The following FBP2 variants were observed in gnomAD, a reference collection of about 807,000 sequenced individuals.
FBP2 encodes fructose-1,6-bisphosphatase isozyme 2.
A neutral mutation model predicts 31.6 loss-of-function variants in FBP2; 27 were observed. That is an observed-to-expected ratio of 0.85 (90% CI 0.63 to 1.18). The LOEUF is 1.18. FBP2 is among the 50% of genes most tolerant of loss of function. FBP2 has a pLI of 0.00. For synonymous variants in FBP2, 168 were observed against 179.8 expected (o/e 0.93, Z 0.53); for missense variants, 421 against 436.1 (o/e 0.97, Z 0.31).
intron 1 of FBP2, 139 bp downstream of exon 1, chr9:94,593,418 A>G: frequency 1.4e-6 from 1 of 709,178 alleles, no homozygotes; most frequent in Non-Finnish European, 2.1e-6. Flanking sequence ...CATGATAGGA[A>G]CTTGAAATGC....
intron 2 of FBP2, among the ~76,000 whole-genome samples, chr9:94,586,990 T>A (rs2131459657): frequency 6.6e-6 from 1 of 152,296 alleles, no homozygotes; most frequent in South Asian, 2.1e-4. Context: ...AGCTCTTCCC[T>A]GGACTCCACA....
intron 3 of FBP2, chr9:94,572,851 GTAAT>G (rs1275759828): frequency 6.6e-6 from 1 of 151,194 alleles, no homozygotes; most frequent in Non-Finnish European, 1.5e-5. Flanking sequence ...ATTTTAAAAT[GTAAT>G]TATAATTACG....
intron 4 of FBP2, chr9:94,570,434 A>G (rs1005276772): frequency 3.3e-5 from 5 of 152,220 alleles, no homozygotes; most frequent in African/African-American, 1.2e-4. Flanking sequence ...ATTGTAGGAC[A>G]TATCTCATAG....
At position 94,561,436 on chromosome 9, in the gene FBP2, C is replaced by T. The variant is rs544251269; in HGVS notation, c.825+1906G>A. 1.2e-4 allele frequency among the ~76,000 whole-genome samples: 17 copies of T among 141,324 alleles called. No homozygotes were observed. In the South Asian group the frequency reaches 4.0e-3, roughly 33 times the overall value. The allele number at this position is 141,324 out of a possible 152,430, so 92.7% of individuals were successfully genotyped here. A position where few individuals can be genotyped will look rare whatever the true frequency, so the allele number is the denominator to read the frequency against. On this transcript the variant is annotated intron_variant, in intron 6 of 6. Coordinates refer to ENST00000375337, the MANE Select transcript of FBP2 (RefSeq NM_003837.4). The stretch of plus-strand genomic sequence containing the variant: ...GGAGTGCAGTGGCGCGATCTCGGCT[C>T]ACTGCAAGCTCCGCCTCCCAGGTTC...
chr9:94,581,485 C>T (rs552188130), intron 3 of FBP2, among the ~76,000 whole-genome samples: 2 of 152,276 alleles, frequency 1.3e-5, no homozygotes, highest in African/African-American at 4.8e-5. Context: ...GAATGCCTGG[C>T]CACCTCCATT....
In FBP2 at chr9:94,587,469, C is replaced by T. The variant is rs776963611; in HGVS notation, c.171G>A (p.Leu57=). 4 of 1,613,844 alleles carry T rather than the reference C, an allele frequency of 2.5e-6. No individual in the cohort carries two copies. The highest frequency in any genetic ancestry group is 1.3e-5 in the African/African-American group (1 of 74,904). Residue 57 remains leucine (L), a splice_region_variant and synonymous_variant, in exon 2 of 7, where the codon CTG becomes CTA. Coordinates refer to ENST00000375337, the MANE Select transcript of FBP2 (RefSeq NM_003837.4). ...CGTTAACGCTTCCTGCGATTCCATACCTGAGAAGACAAAAGGCTGAATGAG... is the reference window on the plus strand; with the variant it reads ...CGTTAACGCTTCCTGCGATTCCATATCTGAGAAGACAAAAGGCTGAATGAG... The part of the protein sequence containing the change: ...SAVRKAGLAH[L]YGIAGSVNVT...
At chr9:94,571,918 TACTC>T (rs1827274239) in intron 3 of FBP2, among the ~76,000 whole-genome samples, 2 of 152,112 alleles carry the variant, frequency 1.3e-5, no homozygotes, top group South Asian at 2.1e-4. Flanking sequence ...CAAGCCACGA[TACTC>T]ACAACTCAGA....
chr9:94,590,777 C>T (rs1459252518), intron 1 of FBP2, among the ~76,000 whole-genome samples: 1 of 152,212 alleles, frequency 6.6e-6, no homozygotes, highest in African/African-American at 2.4e-5. Context: ...TCTTATCTGG[C>T]CCACCCACAT....
At chr9:94,586,086 C>T (rs183834065) in intron 2 of FBP2, among the ~76,000 whole-genome samples, 92 of 152,214 alleles carry the variant, frequency 6.0e-4, no homozygotes, top group African/African-American at 1.8e-3. Flanking sequence ...TATTCAAGAG[C>T]TGCCACGGGC....
intron 4 of FBP2, chr9:94,570,410 T>C (rs575841515): frequency 4.6e-5 from 7 of 152,346 alleles, no homozygotes; most frequent in African/African-American, 1.7e-4. Flanking sequence ...TTTCCCCATC[T>C]GAAAATGGGA....
At chr9:94,590,116 C>T (rs1005555887) in intron 1 of FBP2, among the ~76,000 whole-genome samples, 10 of 152,138 alleles carry the variant, frequency 6.6e-5, no homozygotes, top group Admixed American at 2.0e-4. Flanking sequence ...CAGCACCCCT[C>T]CTCCTAGAAA....
chr9:94,567,226 G>C (rs764653047), intron 5 of FBP2, 44 bp downstream of exon 5: 1 of 1,610,200 alleles, frequency 6.2e-7, no homozygotes, highest in East Asian at 2.2e-5. Flanking sequence ...GGACCCCATG[G>C]GGACAGCATT....
At chr9:94,565,257 C>A (rs1827168379) in intron 5 of FBP2, among the ~76,000 whole-genome samples, 1 of 151,550 alleles carries the variant, frequency 6.6e-6, no homozygotes, top group African/African-American at 2.4e-5. Context: ...AGGCTGTAAT[C>A]CCAGCTACTC....
chr9:94,584,442 G>C, intron 3 of FBP2, 135 bp downstream of exon 3: 1 of 632,662 alleles, frequency 1.6e-6, no homozygotes, highest in Non-Finnish European at 2.9e-6. Flanking sequence ...GAGAAAAGTT[G>C]GTGGTTTGCC....
chr9:94,566,351 T>C (rs514561), intron 5 of FBP2, among the ~76,000 whole-genome samples: 140,639 of 152,336 alleles, frequency 0.92, 65,004 homozygotes, highest in African/African-American at 0.95. Flanking sequence ...CCGCCCAGGG[T>C]GGAAAACCGC....
At chr9:94,583,718 G>A (rs1827395063) in intron 3 of FBP2, among the ~76,000 whole-genome samples, 1 of 152,154 alleles carries the variant, frequency 6.6e-6, no homozygotes, top group Admixed American at 6.5e-5. Flanking sequence ...TCTTGCCTCA[G>A]CCTCCTGAGT....
At chr9:94,589,188 A>G (rs540664690) in intron 1 of FBP2, among the ~76,000 whole-genome samples, 1 of 151,978 alleles carries the variant, frequency 6.6e-6, no homozygotes, top group East Asian at 1.9e-4. Flanking sequence ...ACCCTGCACC[A>G]CTACAGCAAG....
intron 4 of FBP2, chr9:94,570,546 T>C (rs762854294): frequency 8.5e-5 from 13 of 152,258 alleles, no homozygotes; most frequent in Non-Finnish European, 1.9e-4. Context: ...TTAGCTGTTA[T>C]TCTACAACAA....
intron 1 of FBP2, 85 bp downstream of exon 1, chr9:94,593,472 G>T: frequency 7.4e-7 from 1 of 1,355,098 alleles, no homozygotes; most frequent in Non-Finnish European, 1.0e-6. Context: ...TTTGGACCCA[G>T]TTTCTTGCCA....
Sources: allele counts gnomAD v4.1 joint callset (sites outside exome capture counted in the v4.1 genomes callset), GRCh38; gene constraint gnomAD v4.1.1; transcripts MANE v1.5; gene names NCBI Gene and HGNC (gene_info 2026-07-23, HGNC 2026-07-21).